Variants in ZNF385D observed in about 807,000 individuals in gnomAD.
The protein encoded by ZNF385D is zinc finger protein 385D.
In ZNF385D, 15 loss-of-function variants were observed where a neutral mutation model predicts 35.8. The observed-to-expected ratio is 0.42, with a 90% confidence interval of 0.28 to 0.64. The LOEUF (loss-of-function observed/expected upper bound fraction) is 0.64. Among genes scored for constraint, ZNF385D ranks in the 30% least tolerant of loss-of-function variants. ZNF385D has a pLI of 0.23. For synonymous variants in ZNF385D, 212 were observed against 186.8 expected (o/e 1.13, Z -1.10); for missense variants, 474 against 494.6 (o/e 0.96, Z 0.39).
At chr3:22,110,872 T>C (rs1179413365) in intron 3 of ZNF385D, among the ~76,000 whole-genome samples, 1 of 151,864 alleles carries the variant, frequency 6.6e-6, no homozygotes, top group Non-Finnish European at 1.5e-5. Context: ...TGGTAGGATA[T>C]AAGGCTGTCA....
intron 3 of ZNF385D, among the ~76,000 whole-genome samples, chr3:21,826,167 C>A (rs148580084): frequency 0.019 from 2,872 of 152,246 alleles, 72 homozygotes; most frequent in Non-Finnish European, 0.025. Context: ...CTGTGCATTT[C>A]CAGGAGCAAA....
chr3:22,131,208 A>G (rs1183111128), intron 3 of ZNF385D, among the ~76,000 whole-genome samples: 1 of 152,204 alleles, frequency 6.6e-6, no homozygotes, highest in Non-Finnish European at 1.5e-5. Context: ...AGGAACTAGC[A>G]AATAAGACAG....
At chr3:21,618,450 G>C (rs1471310585) in intron 2 of ZNF385D, among the ~76,000 whole-genome samples, 1 of 152,144 alleles carries the variant, frequency 6.6e-6, no homozygotes, top group African/African-American at 2.4e-5. Context: ...CTGGCTTCCA[G>C]AACTGTGACA....
At chr3:21,946,142 C>T (rs1364756735) in intron 3 of ZNF385D, among the ~76,000 whole-genome samples, 2 of 152,264 alleles carry the variant, frequency 1.3e-5, no homozygotes, top group East Asian at 3.9e-4. Context: ...AAATTAGGAT[C>T]TTCTCTTTTG....
intron 3 of ZNF385D, among the ~76,000 whole-genome samples, chr3:22,132,386 C>T (rs1490244876): frequency 2.0e-5 from 3 of 152,094 alleles, no homozygotes; most frequent in Non-Finnish European, 4.4e-5. Flanking sequence ...GAGATAAATA[C>T]ATTTCTGCTA....
intron 3 of ZNF385D, among the ~76,000 whole-genome samples, chr3:22,112,225 C>T (rs994587945): frequency 2.6e-5 from 4 of 152,026 alleles, no homozygotes; most frequent in African/African-American, 7.2e-5. Context: ...GCTTTAGCTG[C>T]GTATTTAAAC....
At chr3:21,914,062 T>G (rs1335520874) in intron 3 of ZNF385D, among the ~76,000 whole-genome samples, 1 of 152,074 alleles carries the variant, frequency 6.6e-6, no homozygotes, top group Admixed American at 6.6e-5. Flanking sequence ...CCTCTTCCTC[T>G]GGGAAATTGT....
At chr3:22,365,895 T>C (rs1696635224) in intron 2 of ZNF385D, among the ~76,000 whole-genome samples, 1 of 152,118 alleles carries the variant, frequency 6.6e-6, no homozygotes, top group South Asian at 2.1e-4. Context: ...AATATGTTTC[T>C]GTTGTTATTA....
intron 2 of ZNF385D, among the ~76,000 whole-genome samples, chr3:22,326,942 T>G (rs142216221): frequency 1.3e-5 from 2 of 152,320 alleles, no homozygotes; most frequent in Admixed American, 6.5e-5. Context: ...AATCACCTCA[T>G]CTTTAAATTC....
chr3:22,084,966 T>C (rs985684354), intron 3 of ZNF385D, among the ~76,000 whole-genome samples: 1 of 152,210 alleles, frequency 6.6e-6, no homozygotes, highest in Non-Finnish European at 1.5e-5. Flanking sequence ...AACCTGCTCC[T>C]GAATGACTAC....
intron 2 of ZNF385D, among the ~76,000 whole-genome samples, chr3:22,316,440 G>C (rs1559515612): frequency 6.6e-6 from 1 of 152,114 alleles, no homozygotes; most frequent in Non-Finnish European, 1.5e-5. Flanking sequence ...TTTATAGGTT[G>C]CACTAATCTG....
At chr3:22,258,396 T>C (rs911716643) in intron 2 of ZNF385D, among the ~76,000 whole-genome samples, 2 of 151,838 alleles carry the variant, frequency 1.3e-5, no homozygotes, top group South Asian at 4.1e-4. Flanking sequence ...TTAAAGGTTA[T>C]AAAGTAAATT....
intron 3 of ZNF385D, among the ~76,000 whole-genome samples, chr3:21,965,106 TGAAGA>T (rs971787237): frequency 7.9e-5 from 12 of 152,260 alleles, no homozygotes; most frequent in African/African-American, 2.2e-4. Context: ...GAACACAGTA[TGAAGA>T]GAAGAGATCT....
At chr3:21,814,989 G>A (rs929671295) in intron 3 of ZNF385D, among the ~76,000 whole-genome samples, 1 of 152,202 alleles carries the variant, frequency 6.6e-6, no homozygotes, top group African/African-American at 2.4e-5. Context: ...CTGTCTCTCA[G>A]ACCACAGTGT....
intron 3 of ZNF385D, among the ~76,000 whole-genome samples, chr3:22,079,013 G>C (rs1700607283): frequency 6.6e-6 from 1 of 151,986 alleles, no homozygotes; most frequent in Non-Finnish European, 1.5e-5. Flanking sequence ...AAAACTCTTA[G>C]TTTTAGAATA....
Position 22,299,133 on chromosome 3 carries a change from A to C in ZNF385D, c.106+73317T>G, listed in dbSNP as rs545599620. 1.7e-3 allele frequency among the ~76,000 whole-genome samples: 258 copies of C among 151,970 alleles called. 1 individual carries two copies. The highest frequency in any genetic ancestry group is 0.011 in the South Asian group (51 of 4,826). Reference sequence around the variant, plus strand: ...TTTCAGGTTTCACTGTATCTGTAAAAACTAAAGAGGCTGCTGGTGACTTTA... The same window carrying C: ...TTTCAGGTTTCACTGTATCTGTAAACACTAAAGAGGCTGCTGGTGACTTTA... On this transcript the variant is annotated intron_variant, in intron 2 of 5. Transcript: ENST00000494108.
At chr3:21,620,860 A>G (rs564966650) in intron 2 of ZNF385D, among the ~76,000 whole-genome samples, 2 of 152,280 alleles carry the variant, frequency 1.3e-5, no homozygotes, top group Non-Finnish European at 2.9e-5. Context: ...AAAGCTACAC[A>G]TGCAAACCAC....
intron 1 of ZNF385D, among the ~76,000 whole-genome samples, chr3:21,696,688 C>G (rs1354520814): frequency 6.6e-6 from 1 of 152,200 alleles, no homozygotes; most frequent in African/African-American, 2.4e-5. Flanking sequence ...GTCCATCAAG[C>G]TTCTACAATG....
chr3:21,937,173 G>C (rs540162601), intron 3 of ZNF385D, among the ~76,000 whole-genome samples: 2 of 151,960 alleles, frequency 1.3e-5, no homozygotes, highest in Non-Finnish European at 2.9e-5. Context: ...TTCAATCAAA[G>C]TATAGTATGA....
Sources: allele counts gnomAD v4.1 joint callset (sites outside exome capture counted in the v4.1 genomes callset), GRCh38; gene constraint gnomAD v4.1.1; transcripts MANE v1.5; gene names NCBI Gene and HGNC (gene_info 2026-07-23, HGNC 2026-07-21).